The following TNFSF4 variants were observed in gnomAD, a reference collection of about 807,000 sequenced individuals.
The protein encoded by TNFSF4 is TNF superfamily member 4, also known as tumor necrosis factor ligand superfamily member 4.
TNFSF4 carries 4 observed loss-of-function variants against 7.3 expected under a neutral mutation model. The ratio of observed to expected loss-of-function variants is 0.55; its 90% CI spans 0.27 to 1.25. TNFSF4 has a LOEUF of 1.25. Ranked by LOEUF, TNFSF4 falls within the 50% of genes most tolerant of loss-of-function variation. The probability of loss-of-function intolerance (pLI) is 0.12; values close to 1 mark genes in which losing one functional copy is unlikely to be tolerated. For synonymous variants in TNFSF4, 76 were observed against 83.7 expected (o/e 0.91, Z 0.50); for missense variants, 181 against 208.8 (o/e 0.87, Z 0.82).
chr1:173,265,275 G>A, the TNFSF4 span, among the ~76,000 whole-genome samples: 1 of 152,176 alleles, frequency 6.6e-6, no homozygotes, highest in South Asian at 2.1e-4. Flanking sequence ...GGAATATCAT[G>A]AGTTAATTTT....
the TNFSF4 span, among the ~76,000 whole-genome samples, chr1:173,383,975 C>T: frequency 1.5e-3 from 224 of 152,296 alleles, 1 homozygote; most frequent in African/African-American, 4.9e-3. Context: ...ATGTTGTTAT[C>T]GTCATCATGA....
chr1:173,390,900 C>T, the TNFSF4 span, among the ~76,000 whole-genome samples: 1 of 151,714 alleles, frequency 6.6e-6, no homozygotes, highest in African/African-American at 2.4e-5. Context: ...TGCCTGCCAC[C>T]ACTCCAGGCT....
At chr1:173,380,779 G>A in the TNFSF4 span, among the ~76,000 whole-genome samples, 240 of 152,118 alleles carry the variant, frequency 1.6e-3, 1 homozygote, top group African/African-American at 5.2e-3. Flanking sequence ...GCCACCCACC[G>A]GAGCTACCTT....
chr1:173,433,334 G>T, the TNFSF4 span, among the ~76,000 whole-genome samples: 4 of 152,100 alleles, frequency 2.6e-5, no homozygotes, highest in Non-Finnish European at 5.9e-5. Flanking sequence ...AGTCTTAAGG[G>T]TGGCAGCTAG....
the TNFSF4 span, among the ~76,000 whole-genome samples, chr1:173,385,251 A>T: frequency 6.6e-6 from 1 of 152,240 alleles, no homozygotes. Context: ...AGGTCATCAA[A>T]ACTTTTCCAA....
the TNFSF4 span, among the ~76,000 whole-genome samples, chr1:173,372,855 AC>A: frequency 1.3e-5 from 2 of 152,212 alleles, no homozygotes; most frequent in Non-Finnish European, 2.9e-5. Flanking sequence ...GACTTATGCC[AC>A]CCAGGAGGAT....
At chr1:173,401,740 A>G in the TNFSF4 span, among the ~76,000 whole-genome samples, 1 of 152,030 alleles carries the variant, frequency 6.6e-6, no homozygotes, top group African/African-American at 2.4e-5. Flanking sequence ...CCACACACAT[A>G]CACAACACAC....
chr1:173,230,697 A>C, the TNFSF4 span, among the ~76,000 whole-genome samples: 1 of 152,204 alleles, frequency 6.6e-6, no homozygotes, highest in Admixed American at 6.5e-5. Flanking sequence ...CTAATAAAGA[A>C]GAAAAGAGAG....
the TNFSF4 span, among the ~76,000 whole-genome samples, chr1:173,339,485 A>G: frequency 6.6e-6 from 1 of 152,242 alleles, no homozygotes; most frequent in Non-Finnish European, 1.5e-5. Flanking sequence ...GTGATGTTAC[A>G]GAATTCAGTA....
the TNFSF4 span, among the ~76,000 whole-genome samples, chr1:173,248,572 GAAAGA>G: frequency 6.6e-6 from 1 of 152,014 alleles, no homozygotes; most frequent in Non-Finnish European, 1.5e-5. Flanking sequence ...AACAAAGGAA[GAAAGA>G]AAAGAAAAAA....
the TNFSF4 span, among the ~76,000 whole-genome samples, chr1:173,442,305 G>GA: frequency 1.3e-5 from 2 of 151,962 alleles, no homozygotes; most frequent in African/African-American, 2.4e-5. Flanking sequence ...CTTCATTCAG[G>GA]AAAAACAGGT....
At chr1:173,363,485 G>T in the TNFSF4 span, 3 of 426,976 alleles carry the variant, frequency 7.0e-6, no homozygotes, top group South Asian at 2.1e-5. Context: ...TCTTCTGCCA[G>T]AATCATTTCA....
the TNFSF4 span, among the ~76,000 whole-genome samples, chr1:173,266,247 CAA>C: frequency 6.6e-6 from 1 of 151,972 alleles, no homozygotes; most frequent in Admixed American, 6.6e-5. Context: ...TAAAGAATAT[CAA>C]AGAGAGTAGA....
At chr1:173,296,856 A>C in the TNFSF4 span, among the ~76,000 whole-genome samples, 14,235 of 151,994 alleles carry the variant, frequency 0.094, 785 homozygotes, top group Non-Finnish European at 0.12. Context: ...GTAATGGAGA[A>C]GCAAAATCAC....
the TNFSF4 span, among the ~76,000 whole-genome samples, chr1:173,321,315 AC>A: frequency 6.6e-6 from 1 of 152,356 alleles, no homozygotes; most frequent in East Asian, 1.9e-4. Context: ...TATACCTTAT[AC>A]AAAAATTAAT....
At chr1:173,415,354 T>C in the TNFSF4 span, among the ~76,000 whole-genome samples, 1 of 152,198 alleles carries the variant, frequency 6.6e-6, no homozygotes, top group Non-Finnish European at 1.5e-5. Context: ...TCCCATGGCC[T>C]AGCTACAGAG....
upstream of TNFSF4, among the ~76,000 whole-genome samples, chr1:173,210,407 C>T (rs1018182100): frequency 2.6e-5 from 4 of 152,098 alleles, no homozygotes; most frequent in African/African-American, 9.7e-5. Flanking sequence ...ATCTGGGGCA[C>T]TGGGGAGGGG....
chr1:173,426,380 G>T, the TNFSF4 span, among the ~76,000 whole-genome samples: 1 of 152,114 alleles, frequency 6.6e-6, no homozygotes, highest in African/African-American at 2.4e-5. Context: ...TGTTTCCATG[G>T]CTGCTTCTTT....
the TNFSF4 span, among the ~76,000 whole-genome samples, chr1:173,216,264 C>G: frequency 2.6e-5 from 4 of 152,140 alleles, no homozygotes; most frequent in Non-Finnish European, 5.9e-5. Context: ...CAATTCATCC[C>G]CTTAATTCCC....
Sources: allele counts gnomAD v4.1 joint callset (sites outside exome capture counted in the v4.1 genomes callset), GRCh38; gene constraint gnomAD v4.1.1; transcripts MANE v1.5; gene names NCBI Gene and HGNC (gene_info 2026-07-23, HGNC 2026-07-21).